ZFHX3: variants seen among roughly 807,000 people sequenced by gnomAD.
ZFHX3 encodes the protein zinc finger homeobox 3.
ZFHX3 carries 42 observed loss-of-function variants against 279.1 expected under a neutral mutation model. That is an observed-to-expected ratio of 0.15 (90% CI 0.12 to 0.19). The LOEUF (loss-of-function observed/expected upper bound fraction) is 0.19. Among genes scored for constraint, ZFHX3 ranks in the 10% least tolerant of loss-of-function variants. The pLI is 1.00. For missense variants in ZFHX3, 4,981 were observed against 4,754.0 expected (o/e 1.05, Z -1.40); for synonymous variants, 2,293 against 1,957.8 (o/e 1.17, Z -4.52).
At chr16:73,712,720 C>G (rs757817905) in intron 1 of ZFHX3, among the ~76,000 whole-genome samples, 1 of 152,206 alleles carries the variant, frequency 6.6e-6, no homozygotes, top group African/African-American at 2.4e-5. Flanking sequence ...GGCTGAGAAT[C>G]AGCATCAGTG....
At chr16:73,239,111 G>A (rs2013041499) in intron 5 of ZFHX3, among the ~76,000 whole-genome samples, 1 of 151,960 alleles carries the variant, frequency 6.6e-6, no homozygotes, top group African/African-American at 2.4e-5. Context: ...AAATAAACTG[G>A]GTGCTTAATA....
chr16:73,797,617 C>T (rs565955), intron 1 of ZFHX3, among the ~76,000 whole-genome samples: 54,474 of 151,438 alleles, frequency 0.36, 10,128 homozygotes, highest in South Asian at 0.49. Flanking sequence ...AAGCCAACCA[C>T]GGTAGAGGCA....
chr16:73,377,471 C>T (rs9940859), intron 3 of ZFHX3, among the ~76,000 whole-genome samples: 40,305 of 151,926 alleles, frequency 0.27, 5,540 homozygotes, highest in Middle Eastern at 0.34. Context: ...GAAACAGACC[C>T]TTGCACATTT....
intron 1 of ZFHX3, among the ~76,000 whole-genome samples, chr16:73,772,778 C>T (rs2054033057): frequency 1.3e-5 from 2 of 152,166 alleles, no homozygotes; most frequent in Admixed American, 1.3e-4. Context: ...GTGTGTGTTT[C>T]TGAGCTATCT....
intron 4 of ZFHX3, among the ~76,000 whole-genome samples, chr16:72,855,571 T>G (rs1311727271): frequency 6.6e-6 from 1 of 152,210 alleles, no homozygotes; most frequent in African/African-American, 2.4e-5. Context: ...CTGAGCCAGC[T>G]CTTATCACCT....
At chr16:73,345,448 G>C (rs971342386) in intron 3 of ZFHX3, among the ~76,000 whole-genome samples, 3 of 135,288 alleles carry the variant, frequency 2.2e-5, no homozygotes, top group African/African-American at 8.5e-5. Flanking sequence ...GCGTACATGT[G>C]TTCTCACTCT....
Position 72,958,744 on chromosome 16 carries a change from C to T in ZFHX3, c.1402G>A (p.Glu468Lys), listed in dbSNP as rs373566141. The change falls in exon 2 of 10, where the codon GAG (glutamate) becomes AAG (lysine). Residue 468 changes from glutamate to lysine, a missense_variant. Glu to Lys is a moderately conservative substitution (Grantham distance 56, BLOSUM62 1). Coordinates refer to ENST00000268489, the MANE Select transcript of ZFHX3 (RefSeq NM_006885.4). ...TCCTCCTCCTCCGCCTCTTCCTCCT[C>T]CTCTTCCTCCTCCGCCTCCTCTTCG... The part of the protein sequence containing the change: ...PAEEEAEEEE[E>K]EEEAEEEEEE... 10 of 1,613,086 alleles carry T rather than the reference C, an allele frequency of 6.2e-6. No individual in the cohort carries two copies. Among genetic ancestry groups the T allele is most frequent in the Non-Finnish European group, 8.5e-6 (10 of 1,179,404 alleles).
At chr16:73,369,579 G>C (rs559281414) in intron 3 of ZFHX3, among the ~76,000 whole-genome samples, 1 of 152,132 alleles carries the variant, frequency 6.6e-6, no homozygotes, top group African/African-American at 2.4e-5. Flanking sequence ...AACCAAACAA[G>C]CTGTTGGATG....
At chr16:73,110,165 C>T (rs1966354711) in intron 7 of ZFHX3, among the ~76,000 whole-genome samples, 1 of 151,334 alleles carries the variant, frequency 6.6e-6, no homozygotes, top group African/African-American at 2.4e-5. Flanking sequence ...GATTGCGCCA[C>T]TGCACTCCAG....
intron 2 of ZFHX3, among the ~76,000 whole-genome samples, chr16:73,581,135 T>A (rs558337837): frequency 9.2e-5 from 14 of 151,964 alleles, no homozygotes; most frequent in South Asian, 2.1e-4. Flanking sequence ...CAATTTTTTT[T>A]AACTTTCCCA....
At chr16:73,688,179 A>G (rs2053110492) in intron 1 of ZFHX3, among the ~76,000 whole-genome samples, 1 of 151,946 alleles carries the variant, frequency 6.6e-6, no homozygotes, top group African/African-American at 2.4e-5. Context: ...CAACATGGTG[A>G]AACCCCGTCT....
At chr16:73,444,781 T>A (rs934504030) in intron 3 of ZFHX3, among the ~76,000 whole-genome samples, 17 of 152,066 alleles carry the variant, frequency 1.1e-4, no homozygotes, top group Non-Finnish European at 2.2e-4. Flanking sequence ...ACACCATGCA[T>A]GTTTATTCTG....
intron 7 of ZFHX3, among the ~76,000 whole-genome samples, chr16:73,104,077 T>C (rs116316478): frequency 0.017 from 2,600 of 152,166 alleles, 76 homozygotes; most frequent in African/African-American, 0.059. Flanking sequence ...ACATGTTAGG[T>C]TATGAAATGC....
chr16:73,581,742 T>C (rs1203452624), intron 2 of ZFHX3, among the ~76,000 whole-genome samples: 14 of 145,986 alleles, frequency 9.6e-5, no homozygotes, highest in Non-Finnish European at 2.1e-4. Context: ...ACGATCTCAG[T>C]TCACTGCAAC....
chr16:73,489,672 T>G (rs2019027725), intron 2 of ZFHX3, among the ~76,000 whole-genome samples: 7 of 152,228 alleles, frequency 4.6e-5, no homozygotes, highest in Admixed American at 4.6e-4. Context: ...ACAAATAATT[T>G]ATTTCAAAAT....
In ZFHX3 at chr16:72,960,004, C is replaced by T. The variant is rs751544438; in HGVS notation, c.142G>A (p.Gly48Arg). 13 of 1,613,720 alleles carry T rather than the reference C, an allele frequency of 8.1e-6. No homozygotes were observed. The highest frequency in any genetic ancestry group is 4.0e-5 in the African/African-American group (3 of 74,898). Residue 48 changes from glycine (G) to arginine (R), a missense_variant, in exon 2 of 10, where the codon GGG becomes AGG. By Grantham distance (125) the Gly-to-Arg change is moderately radical (BLOSUM62 -2). Around this residue, in one of 7 missense-constraint regions of ZFHX3, gnomAD observed 1,068 missense variants for 935.2 expected, o/e 1.14. Transcript: ENST00000268489. ...SMEQSTGESH[G>R]PLDSLRAPFN... ...GGGGCCCTCAGGCTGTCCAAGGGCCCGTGGCTCTCGCCTGTGGACTGCTCC... is the reference window on the plus strand; with the variant it reads ...GGGGCCCTCAGGCTGTCCAAGGGCCTGTGGCTCTCGCCTGTGGACTGCTCC...
chr16:73,744,194 G>C (rs745440261), intron 1 of ZFHX3, among the ~76,000 whole-genome samples: 1 of 152,158 alleles, frequency 6.6e-6, no homozygotes, highest in Admixed American at 6.5e-5. Flanking sequence ...ATGATCTCTC[G>C]TGACGTACAA....
rs777113510 is a variant in ZFHX3, at chr16:72,795,335, T to C, written c.7347A>G (p.Gln2449=). The C allele has an allele frequency of 1.2e-6, 2 of 1,614,058 alleles. No homozygotes were observed. Among genetic ancestry groups the C allele is most frequent in the South Asian group, 2.2e-5 (2 of 91,084 alleles). Residue 2449 remains glutamine (Q), a synonymous_variant, in exon 9 of 10, where the codon CAA becomes CAG. Coordinates refer to ENST00000268489, the MANE Select transcript of ZFHX3 (RefSeq NM_006885.4). ...QPNQTQEKQG[Q]PKPELQQQEQ... ...CTTGCTGCTGCAGCTCTGGCTTTGG[T>C]TGTCCTTGCTTTTCTTGGGTTTGGT...
At chr16:73,472,888 G>A (rs1047109052) in intron 2 of ZFHX3, among the ~76,000 whole-genome samples, 1 of 152,020 alleles carries the variant, frequency 6.6e-6, no homozygotes, top group Non-Finnish European at 1.5e-5. Flanking sequence ...TCCACTGAGG[G>A]ATTTCATCAT....
Sources: allele counts gnomAD v4.1 joint callset (sites outside exome capture counted in the v4.1 genomes callset), GRCh38; gene constraint gnomAD v4.1.1; regional missense constraint gnomAD v4.1.1; transcripts MANE v1.5; gene names NCBI Gene and HGNC (gene_info 2026-07-23, HGNC 2026-07-21).